The following PIBF1 variants were observed in gnomAD, a reference collection of about 807,000 sequenced individuals.
PIBF1 encodes progesterone-induced-blocking factor 1.
A neutral mutation model predicts 112.5 loss-of-function variants in PIBF1; 90 were observed. The observed-to-expected ratio is 0.80, with a 90% CI of 0.67 to 0.95. The LOEUF (loss-of-function observed/expected upper bound fraction) is 0.95, where lower values mean the gene tolerates loss of function less well. Ranked by LOEUF, PIBF1 falls within the 40% of genes least tolerant of loss-of-function variation. The probability of loss-of-function intolerance (pLI) is 0.00; values close to 1 mark genes in which losing one functional copy is unlikely to be tolerated. For missense variants in PIBF1, 915 were observed against 852.3 expected (o/e 1.07, Z -0.92); for synonymous variants, 301 against 288.6 (o/e 1.04, Z -0.44).
At chr13:73,002,939 TGCCTCCACACTCCA>T (rs2043916597) in intron 17 of PIBF1, among the ~76,000 whole-genome samples, 1 of 120,384 alleles carries the variant, frequency 8.3e-6, no homozygotes, top group Admixed American at 1.2e-4. Context: ...GCCAAGATCA[TGCCTCCACACTCCA>T]GCCTGGACGA....
intron 9 of PIBF1, among the ~76,000 whole-genome samples, chr13:72,851,460 G>T (rs1372795862): frequency 6.6e-6 from 1 of 152,236 alleles, no homozygotes; most frequent in Admixed American, 6.5e-5. Context: ...GCCTCCTCTG[G>T]ACTTTGGACA....
chr13:73,013,222 A>C (rs1594370351), intron 17 of PIBF1, among the ~76,000 whole-genome samples: 3 of 146,350 alleles, frequency 2.0e-5, no homozygotes, highest in Non-Finnish European at 1.5e-5. Context: ...AATGGCGTGA[A>C]CCCGGGAGGC....
intron 5 of PIBF1, among the ~76,000 whole-genome samples, chr13:72,803,348 G>GTT (rs2035577058): frequency 6.6e-6 from 1 of 151,666 alleles, no homozygotes; most frequent in Non-Finnish European, 1.5e-5. Context: ...TGTCGACAAC[G>GTT]GTAGAAGGAC....
At position 72,893,949 on chromosome 13, in the gene PIBF1, G is replaced by A; in HGVS notation, c.1488G>A (p.Glu496=). Residue 496 remains glutamate, a splice_region_variant and synonymous_variant, in exon 11 of 18, where the codon GAG becomes GAA. Transcript: ENST00000326291. ...GTGAAAAATATCAGAAAAAATTGGAGGTACATGTACAAGCTTTTCTTTCAA... is the reference window on the plus strand; with the variant it reads ...GTGAAAAATATCAGAAAAAATTGGAAGTACATGTACAAGCTTTTCTTTCAA... The part of the protein sequence containing the change: ...LECEKYQKKL[E]VLTKEFYSLQ... 6.4e-7 allele frequency: 1 copy of A among 1,556,780 alleles called. No homozygotes were observed. The highest frequency in any genetic ancestry group is 8.7e-7 in the Non-Finnish European group (1 of 1,148,536).
intron 9 of PIBF1, among the ~76,000 whole-genome samples, chr13:72,846,447 T>C (rs187250130): frequency 6.6e-6 from 1 of 152,164 alleles, no homozygotes. Context: ...TCCAGTCTCT[T>C]AGCACAGTTC....
chr13:72,858,332 G>A (rs1431981959), intron 10 of PIBF1, among the ~76,000 whole-genome samples: 3 of 152,148 alleles, frequency 2.0e-5, no homozygotes, highest in East Asian at 1.9e-4. Context: ...GATTACAGGC[G>A]TGAGCCACTA....
intron 14 of PIBF1, among the ~76,000 whole-genome samples, chr13:72,942,265 T>TA (rs35561447): frequency 0.31 from 42,165 of 134,734 alleles, 6,975 homozygotes; most frequent in African/African-American, 0.45. Context: ...TTCAATGATG[T>TA]AAAAAAAAAA....
intron 10 of PIBF1, chr13:72,881,040 G>T (rs2039606463): frequency 6.6e-6 from 1 of 151,786 alleles, no homozygotes; most frequent in South Asian, 2.1e-4. Flanking sequence ...GAAATAAAGG[G>T]CAGTCAAATT....
intron 12 of PIBF1, among the ~76,000 whole-genome samples, chr13:72,912,300 T>C (rs573424451): frequency 1.3e-5 from 2 of 152,188 alleles, no homozygotes; most frequent in Admixed American, 1.3e-4. Context: ...TGTACCAGAA[T>C]ATATATTTAA....
intron 2 of PIBF1, among the ~76,000 whole-genome samples, chr13:72,791,141 G>A (rs1239192264): frequency 6.6e-6 from 1 of 152,008 alleles, no homozygotes; most frequent in Non-Finnish European, 1.5e-5. Context: ...TGCAACCTCC[G>A]CCTCCCGGGT....
intron 11 of PIBF1, among the ~76,000 whole-genome samples, chr13:72,902,006 A>ATGTGTGTG (rs137877705): frequency 5.3e-4 from 78 of 147,936 alleles, no homozygotes; most frequent in African/African-American, 1.7e-3. Context: ...GTGTATGTAT[A>ATGTGTGTG]TGTGTGTGTG....
intron 13 of PIBF1, among the ~76,000 whole-genome samples, chr13:72,927,794 C>A (rs574411039): frequency 2.0e-5 from 3 of 150,152 alleles, no homozygotes; most frequent in Non-Finnish European, 4.4e-5. Context: ...CTTAATAATA[C>A]AATCTTAATA....
chr13:72,889,045 C>CA (rs563914633), intron 10 of PIBF1, among the ~76,000 whole-genome samples: 2,632 of 140,930 alleles, frequency 0.019, 46 homozygotes, highest in African/African-American at 0.033. Context: ...ACAAAAAATA[C>CA]AAAAAAAAAA....
At position 72,787,552 on chromosome 13, in the gene PIBF1, G is replaced by T. The variant is rs184853961; in HGVS notation, c.252+3831G>T. Among the ~76,000 whole-genome samples, 15 of 152,288 alleles carry T rather than the reference G, an allele frequency of 9.8e-5. No individual in the cohort carries two copies. In the East Asian group the frequency reaches 2.7e-3, roughly 27 times the overall value. On this transcript the variant is annotated intron_variant, in intron 2 of 17. Transcript: ENST00000326291. ...GGGTCCCCAAAAGCCTGATGGATCT[G>T]GTAACACCACGCGGTATTTGATTCA...
At chr13:72,897,855 G>A (rs1386057087) in intron 11 of PIBF1, among the ~76,000 whole-genome samples, 11 of 152,220 alleles carry the variant, frequency 7.2e-5, no homozygotes, top group African/African-American at 2.6e-4. Context: ...GTAATAGTGG[G>A]GGACTTCAGT....
intron 9 of PIBF1, among the ~76,000 whole-genome samples, chr13:72,838,286 G>A (rs1050519088): frequency 3.3e-5 from 5 of 152,162 alleles, no homozygotes; most frequent in African/African-American, 7.2e-5. Flanking sequence ...TCATAAGTAT[G>A]ATGATGATGG....
chr13:72,893,490 A>G (rs2040140278), intron 10 of PIBF1, among the ~76,000 whole-genome samples: 2 of 152,156 alleles, frequency 1.3e-5, no homozygotes. Context: ...AATCATTCTA[A>G]GCAATGTAAC....
intron 13 of PIBF1, among the ~76,000 whole-genome samples, chr13:72,918,139 ACATCAAATC>A (rs2041164406): frequency 6.6e-6 from 1 of 152,152 alleles, no homozygotes; most frequent in Admixed American, 6.6e-5. Flanking sequence ...ATTCACTACC[ACATCAAATC>A]CATCAAATCT....
At chr13:72,999,498 C>A (rs1485380578) in intron 17 of PIBF1, among the ~76,000 whole-genome samples, 1 of 152,102 alleles carries the variant, frequency 6.6e-6, no homozygotes, top group African/African-American at 2.4e-5. Context: ...ATCATGCTTT[C>A]ATTTCTCAGG....
Sources: allele counts gnomAD v4.1 joint callset (sites outside exome capture counted in the v4.1 genomes callset), GRCh38; gene constraint gnomAD v4.1.1; transcripts MANE v1.5; gene names NCBI Gene and HGNC (gene_info 2026-07-23, HGNC 2026-07-21).